The following PITPNM2 variants were observed in gnomAD, a reference collection of about 807,000 sequenced individuals.
PITPNM2 encodes the protein membrane-associated phosphatidylinositol transfer protein 2.
In PITPNM2, 35 loss-of-function variants were observed where a neutral mutation model predicts 132.2. That is an observed-to-expected ratio of 0.26 (90% confidence interval 0.20 to 0.35). The LOEUF is 0.35. Ranked by LOEUF, PITPNM2 falls within the 10% of genes least tolerant of loss-of-function variation. PITPNM2 has a pLI of 1.00. For missense variants in PITPNM2, 1,332 were observed against 1,912.0 expected (o/e 0.70, Z 5.66); for synonymous variants, 738 against 799.2 (o/e 0.92, Z 1.29).
Position 123,095,083 on chromosome 12 carries a change from AGTGC to A in PITPNM2, c.-96+15298_-96+15301del, listed in dbSNP as rs1446394863. On this transcript the variant is annotated intron_variant, in intron 2 of 25. Transcript: ENST00000320201. This position sits in a 1 kb window ranked among gnomAD's most constrained non-coding sequence, Gnocchi z 5.0. Reference sequence around the variant, plus strand: ...GGGGCACTGGGGCTCACAGCACGGCAGTGCGTCCACATTAGGGTGGCTGCTGGGG... The same window carrying A: ...GGGGCACTGGGGCTCACAGCACGGCAGTCCACATTAGGGTGGCTGCTGGGG... Among the ~76,000 whole-genome samples, 1 of 152,214 alleles carries A rather than the reference AGTGC, an allele frequency of 6.6e-6. No individual in the cohort carries two copies. Among genetic ancestry groups the A allele is most frequent in the Non-Finnish European group, 1.5e-5 (1 of 68,032 alleles).
In PITPNM2 at chr12:123,119,355, A is replaced by ATT. The variant is rs57829614; in HGVS notation, c.-199-8869_-199-8868dup. On this transcript the variant is annotated intron_variant, in intron 1 of 25. Transcript: ENST00000320201. ...CTATCTAGAAGCATAGAGGATGGTG[A>ATT]TTTTTTTTTTTTTTTTTTTTGAGAC... is the stretch of plus-strand genomic sequence containing the variant. Among the ~76,000 whole-genome samples the ATT allele has an allele frequency of 3.4e-3, 445 of 129,306 alleles. 3 individuals carry two copies. The highest frequency in any genetic ancestry group is 5.1e-3 in the Non-Finnish European group (309 of 60,398). 84.8% of individuals were successfully genotyped at this position (129,306 alleles called of 152,430 possible).
At chr12:123,120,727 C>T (rs2043017475) in intron 1 of PITPNM2, among the ~76,000 whole-genome samples, 1 of 152,202 alleles carries the variant, frequency 6.6e-6, no homozygotes, top group African/African-American at 2.4e-5. Flanking sequence ...AATACCTCTG[C>T]AAAGCTCCTC....
At chr12:123,073,779 C>T (rs550503917) in intron 2 of PITPNM2, among the ~76,000 whole-genome samples, 1 of 152,296 alleles carries the variant, frequency 6.6e-6, no homozygotes, top group South Asian at 2.1e-4. Flanking sequence ...TGGGTGGAAG[C>T]CCTGGGGCAA....
chr12:123,089,162 C>G (rs572215836), intron 2 of PITPNM2: 1 of 152,186 alleles, frequency 6.6e-6, no homozygotes, highest in Non-Finnish European at 1.5e-5. Context: ...AAAAAGCTTT[C>G]GGGCACAGCT....
At chr12:123,133,490 C>T (rs894818635) in intron 1 of PITPNM2, among the ~76,000 whole-genome samples, 1 of 152,208 alleles carries the variant, frequency 6.6e-6, no homozygotes, top group African/African-American at 2.4e-5. Context: ...ACCAAAGTCA[C>T]TTCCCACCAC....
intron 1 of PITPNM2, among the ~76,000 whole-genome samples, chr12:123,146,705 G>A (rs1463557069): frequency 6.6e-6 from 1 of 151,562 alleles, no homozygotes; most frequent in African/African-American, 2.4e-5. Context: ...GACCATAAAT[G>A]TTTAGCAGAG....
chr12:123,021,567 G>A, intron 3 of PITPNM2: 1 of 763,640 alleles, frequency 1.3e-6, no homozygotes, highest in Non-Finnish European at 1.6e-6. Context: ...AAGCCTCTGT[G>A]CTCAGCCTGG....
chr12:122,986,724 G>A lies in PITPNM2; in HGVS notation c.3519C>T (p.Gly1173=), dbSNP rs1393787077. The part of the protein sequence containing the change: ...AWLAQHNFPH[G]VVSFCDGLVH... ...CCAGGCCGTCACAGAAGGACACCAC[G>A]CCATGGGGGAAGTTGTGCTGGGCCA... The change falls in exon 24 of 26, where the codon GGC becomes GGT. Residue 1173 remains glycine, a synonymous_variant. Transcript: ENST00000320201. 1.8e-5 allele frequency: 29 copies of A among 1,613,530 alleles called. No individual in the cohort carries two copies. Among genetic ancestry groups the A allele is most frequent in the Non-Finnish European group, 2.4e-5 (28 of 1,179,994 alleles).
chr12:123,073,872 TTTCTC>T (rs1434190980), intron 2 of PITPNM2, among the ~76,000 whole-genome samples: 1 of 152,146 alleles, frequency 6.6e-6, no homozygotes, highest in African/African-American at 2.4e-5. Context: ...ATTCCTTCCT[TTTCTC>T]TTCTCAGACA....
At chr12:123,094,138 G>A (rs2042344253) in intron 2 of PITPNM2, among the ~76,000 whole-genome samples, 5 of 152,248 alleles carry the variant, frequency 3.3e-5, no homozygotes. Flanking sequence ...TGCTTCTCTT[G>A]TGGCACTGCT....
intron 5 of PITPNM2, among the ~76,000 whole-genome samples, chr12:123,012,298 C>A (rs2039241760): frequency 1.3e-5 from 2 of 152,206 alleles, no homozygotes; most frequent in African/African-American, 4.8e-5. Context: ...GGCACTTGTG[C>A]ATGGCTGTCA....
intron 2 of PITPNM2, among the ~76,000 whole-genome samples, chr12:123,068,386 T>C (rs1328572441): frequency 6.6e-6 from 1 of 151,910 alleles, no homozygotes. Flanking sequence ...AGGCGGAGCT[T>C]GCAGTGAGCC....
chr12:123,070,965 A>G (rs1480361703), intron 2 of PITPNM2, among the ~76,000 whole-genome samples: 1 of 152,234 alleles, frequency 6.6e-6, no homozygotes, highest in East Asian at 1.9e-4. Context: ...GAAGGAGGCC[A>G]GCAGAGAGAG....
chr12:123,017,984 TTTCCTTCCTTCCTTCCTTCC>T (rs1163587142), intron 3 of PITPNM2, among the ~76,000 whole-genome samples: 235 of 90,376 alleles, frequency 2.6e-3, no homozygotes, highest in African/African-American at 9.6e-3. Context: ...TTCTCTCACT[TTTCCTTCCTTCCTTCCTTCC>T]TTCCTTCCTT....
rs373305987 is a variant in PITPNM2 at position 122,996,944 on chromosome 12, G to A, written c.1473-34C>T. On this transcript the variant is annotated intron_variant, in intron 11 of 25. Transcript: ENST00000320201. ...AGGGGCCAGTCAAGAGAGGGCAGGCGGCTCCAGCTCAGCCCAAAGGGCCCC... is the reference window on the plus strand; with the variant it reads ...AGGGGCCAGTCAAGAGAGGGCAGGCAGCTCCAGCTCAGCCCAAAGGGCCCC... 701 of 1,526,022 alleles carry A rather than the reference G, an allele frequency of 4.6e-4. 7 individuals carry two copies. The South Asian group carries it at 7.5e-3, about 16-fold the overall frequency. The allele number at this position is 1,526,022 out of a possible 1,614,324, so 94.5% of individuals were successfully genotyped here.
At chr12:123,034,030 A>G (rs552695680) in intron 3 of PITPNM2, among the ~76,000 whole-genome samples, 6 of 152,350 alleles carry the variant, frequency 3.9e-5, no homozygotes, top group African/African-American at 1.4e-4. Flanking sequence ...ACTCTCTGCC[A>G]TGTTAGGAAA....
chr12:123,062,792 T>C (rs1231703994), intron 2 of PITPNM2, among the ~76,000 whole-genome samples: 1 of 152,220 alleles, frequency 6.6e-6, no homozygotes, highest in African/African-American at 2.4e-5. Context: ...TGCTGGATTT[T>C]GGAATTGAGG....
At chr12:123,012,588 G>C in intron 5 of PITPNM2, 25 bp downstream of exon 5, 1 of 1,613,578 alleles carries the variant, frequency 6.2e-7, no homozygotes, top group Non-Finnish European at 8.5e-7. Flanking sequence ...GTACAGCCCT[G>C]TGGGGCTCTG....
intron 1 of PITPNM2, among the ~76,000 whole-genome samples, chr12:123,138,550 T>C (rs1354402481): frequency 2.0e-5 from 3 of 152,224 alleles, no homozygotes; most frequent in Non-Finnish European, 4.4e-5. Context: ...GAAAACACTA[T>C]GTTATGTGAA....
Sources: allele counts gnomAD v4.1 joint callset (sites outside exome capture counted in the v4.1 genomes callset), GRCh38; gene constraint gnomAD v4.1.1; non-coding constraint Gnocchi (gnomAD v3.1); transcripts MANE v1.5; gene names NCBI Gene and HGNC (gene_info 2026-07-23, HGNC 2026-07-21).